PRELID2: variants seen among roughly 807,000 people sequenced by gnomAD.
PRELID2 encodes the protein PRELI domain containing 2.
A neutral mutation model predicts 28.4 loss-of-function variants in PRELID2; 25 were observed. That is an observed-to-expected ratio of 0.88 (90% CI 0.64 to 1.23). The LOEUF (loss-of-function observed/expected upper bound fraction) is 1.23, where lower values mean the gene tolerates loss of function less well. Ranked by LOEUF, PRELID2 falls within the 50% of genes most tolerant of loss-of-function variation. The probability of loss-of-function intolerance (pLI) is 0.00; values close to 1 mark genes in which losing one functional copy is unlikely to be tolerated. For missense variants in PRELID2, 201 were observed against 214.4 expected (o/e 0.94, Z 0.39); for synonymous variants, 76 against 71.6 (o/e 1.06, Z -0.31).
the PRELID2 span, among the ~76,000 whole-genome samples, chr5:145,409,788 A>G: frequency 6.6e-6 from 1 of 151,884 alleles, no homozygotes; most frequent in Non-Finnish European, 1.5e-5. Context: ...ACATTATATA[A>G]TGATTAAAAG....
At chr5:145,813,487 C>T (rs1317701285) in intron 4 of PRELID2, among the ~76,000 whole-genome samples, 1 of 152,134 alleles carries the variant, frequency 6.6e-6, no homozygotes, top group Non-Finnish European at 1.5e-5. Flanking sequence ...ATTCTTCATA[C>T]CTGGGATCCA....
the PRELID2 span, among the ~76,000 whole-genome samples, chr5:145,319,585 C>T: frequency 6.6e-6 from 1 of 152,100 alleles, no homozygotes; most frequent in African/African-American, 2.4e-5. Context: ...GCAGGAGAAT[C>T]CCTTGAACCC....
At chr5:145,230,132 T>A in the PRELID2 span, 1 of 529,320 alleles carries the variant, frequency 1.9e-6, no homozygotes, top group Non-Finnish European at 3.5e-6. Context: ...TGTGATAATT[T>A]GTAATTGTGC....
chr5:145,263,140 A>G, the PRELID2 span, among the ~76,000 whole-genome samples: 1 of 152,208 alleles, frequency 6.6e-6, no homozygotes, highest in Admixed American at 6.5e-5. Context: ...AAATATTACA[A>G]TCCAAAATAT....
chr5:145,770,366 T>C, intron 5 of PRELID2, among the ~76,000 whole-genome samples: 1 of 151,034 alleles, frequency 6.6e-6, no homozygotes, highest in Non-Finnish European at 1.5e-5. Context: ...AAAAAAAAAA[T>C]TTAATTAGCC....
At chr5:145,455,959 C>T in the PRELID2 span, among the ~76,000 whole-genome samples, 1 of 152,210 alleles carries the variant, frequency 6.6e-6, no homozygotes, top group East Asian at 1.9e-4. Flanking sequence ...TCACTGGGAG[C>T]TGCAGACTGG....
intron 1 of PRELID2, among the ~76,000 whole-genome samples, chr5:145,500,814 C>T (rs777533209): frequency 3.9e-5 from 6 of 152,156 alleles, no homozygotes; most frequent in Non-Finnish European, 8.8e-5. Context: ...TCAGGTGAGA[C>T]TAATTTCACT....
At chr5:145,658,739 A>G (rs1200214535) in intron 1 of PRELID2, among the ~76,000 whole-genome samples, 1 of 152,236 alleles carries the variant, frequency 6.6e-6, no homozygotes, top group African/African-American at 2.4e-5. Flanking sequence ...CTGCAGAACC[A>G]TGAGCCAAAA....
the PRELID2 span, among the ~76,000 whole-genome samples, chr5:145,291,406 C>T: frequency 6.7e-6 from 1 of 149,800 alleles, no homozygotes; most frequent in Non-Finnish European, 1.5e-5. Flanking sequence ...TCCATGTAAC[C>T]CTGGAGGCAG....
intron 2 of PRELID2, among the ~76,000 whole-genome samples, chr5:145,820,923 G>C (rs1466446097): frequency 2.0e-5 from 3 of 152,076 alleles, no homozygotes; most frequent in Admixed American, 1.3e-4. Context: ...GCAGGCGTGT[G>C]GTCTGACCTT....
intron 1 of PRELID2, among the ~76,000 whole-genome samples, chr5:145,740,175 G>A (rs1245659621): frequency 2.0e-5 from 3 of 146,814 alleles, no homozygotes; most frequent in Admixed American, 6.9e-5. Flanking sequence ...AAGGAAGTAG[G>A]AGTGGCTATA....
chr5:145,395,396 G>A, the PRELID2 span, among the ~76,000 whole-genome samples: 1 of 152,102 alleles, frequency 6.6e-6, no homozygotes, highest in African/African-American at 2.4e-5. Flanking sequence ...GTTGTTGAAA[G>A]GAATTTCGGC....
chr5:145,680,093 G>A (rs922612197), intron 1 of PRELID2, among the ~76,000 whole-genome samples: 11 of 152,024 alleles, frequency 7.2e-5, no homozygotes, highest in African/African-American at 1.7e-4. Context: ...ACAGTGAGTC[G>A]TGAGCTAACT....
intron 1 of PRELID2, among the ~76,000 whole-genome samples, chr5:145,563,391 G>T (rs995516169): frequency 2.6e-5 from 4 of 152,134 alleles, no homozygotes; most frequent in African/African-American, 9.7e-5. Context: ...CACTGCCCTT[G>T]GATTGTTCGG....
intron 5 of PRELID2, among the ~76,000 whole-genome samples, chr5:145,786,793 CCA>C (rs1182090073): frequency 6.6e-6 from 1 of 152,132 alleles, no homozygotes; most frequent in African/African-American, 2.4e-5. Context: ...TGTAGTATCT[CCA>C]CTTTTTTCTT....
intron 1 of PRELID2, among the ~76,000 whole-genome samples, chr5:145,749,293 A>G (rs1033725066): frequency 3.3e-5 from 5 of 152,220 alleles, no homozygotes; most frequent in African/African-American, 1.2e-4. Flanking sequence ...AACCCCATCA[A>G]AAAGTGGGCA....
chr5:145,834,414 A>C (rs975577003), intron 1 of PRELID2, among the ~76,000 whole-genome samples: 1 of 152,136 alleles, frequency 6.6e-6, no homozygotes, highest in Non-Finnish European at 1.5e-5. Flanking sequence ...ACAGACAATC[A>C]ATAGTTTATG....
At chr5:145,399,402 C>G in the PRELID2 span, among the ~76,000 whole-genome samples, 1 of 152,108 alleles carries the variant, frequency 6.6e-6, no homozygotes. Context: ...AGGTTCATTT[C>G]TATATCCTGC....
At chr5:145,409,830 CA>C in the PRELID2 span, among the ~76,000 whole-genome samples, 1 of 150,364 alleles carries the variant, frequency 6.7e-6, no homozygotes. Flanking sequence ...CACATGAAAC[CA>C]AAAAAGTGCC....
Sources: allele counts gnomAD v4.1 joint callset (sites outside exome capture counted in the v4.1 genomes callset), GRCh38; gene constraint gnomAD v4.1.1; transcripts MANE v1.5; gene names NCBI Gene and HGNC (gene_info 2026-07-23, HGNC 2026-07-21).